LRMDA: variants seen among roughly 807,000 people sequenced by gnomAD.
LRMDA encodes leucine-rich melanocyte differentiation-associated protein.
LRMDA carries 18 observed loss-of-function variants against 29.8 expected under a neutral mutation model. The observed-to-expected ratio is 0.60, with a 90% CI of 0.42 to 0.90. LRMDA has a LOEUF of 0.90. LRMDA is among the 40% of genes least tolerant of loss of function. The probability of loss-of-function intolerance (pLI) is 0.00; values close to 1 mark genes in which losing one functional copy is unlikely to be tolerated. For synonymous variants in LRMDA, 125 were observed against 109.4 expected, an observed-to-expected ratio of 1.14 and a Z score of -0.89; for missense variants, 273 against 273.9, an observed-to-expected ratio of 1.00 and a Z score of 0.02.
intron 2 of LRMDA, among the ~76,000 whole-genome samples, chr10:75,678,447 A>G (rs1204722568): frequency 6.6e-6 from 1 of 152,210 alleles, no homozygotes; most frequent in African/African-American, 2.4e-5. Context: ...GTCACTTTCT[A>G]CTGAGATATT....
At chr10:76,050,992 C>T (rs970916585) in intron 4 of LRMDA, among the ~76,000 whole-genome samples, 2 of 152,198 alleles carry the variant, frequency 1.3e-5, no homozygotes, top group African/African-American at 4.8e-5. Flanking sequence ...CTCCCTCCTC[C>T]CTGTAGGGCC....
rs367718050 is a variant in LRMDA at position 76,079,137 on chromosome 10, A to G, written c.516+20354A>G. ...TTCTACAGTTGCTTGGGTGCCTACA[A>G]ATTTTTTCTCCTTTGTGTGCCTGAT... On this transcript the variant is annotated intron_variant, in intron 5 of 6. Transcript: ENST00000611255. Among the ~76,000 whole-genome samples, 4 of 152,256 alleles carry G rather than the reference A, an allele frequency of 2.6e-5. No individual in the cohort carries two copies. The East Asian group carries it at 5.8e-4, about 22-fold the overall frequency.
At chr10:76,276,844 G>A (rs560141776) in intron 5 of LRMDA, among the ~76,000 whole-genome samples, 20 of 152,102 alleles carry the variant, frequency 1.3e-4, no homozygotes, top group South Asian at 1.0e-3. Flanking sequence ...CTTGCCTTTC[G>A]TGGGTTCCAA....
intron 2 of LRMDA, among the ~76,000 whole-genome samples, chr10:75,589,225 G>A (rs1176879917): frequency 6.6e-6 from 1 of 152,210 alleles, no homozygotes; most frequent in African/African-American, 2.4e-5. Flanking sequence ...CACCAGCAAT[G>A]TTAGGGACAT....
At chr10:76,310,649 A>G (rs1277224639) in intron 5 of LRMDA, among the ~76,000 whole-genome samples, 1 of 152,208 alleles carries the variant, frequency 6.6e-6, no homozygotes, top group Non-Finnish European at 1.5e-5. Flanking sequence ...AACGATATTC[A>G]TAACCTCCAA....
chr10:76,278,166 T>C (rs1344710150), intron 5 of LRMDA, among the ~76,000 whole-genome samples: 1 of 152,218 alleles, frequency 6.6e-6, no homozygotes, highest in East Asian at 1.9e-4. Flanking sequence ...GGATGAGCTG[T>C]ACTATACCTC....
At chr10:76,282,666 G>A (rs1449643913) in intron 5 of LRMDA, among the ~76,000 whole-genome samples, 1 of 152,194 alleles carries the variant, frequency 6.6e-6, no homozygotes, top group Non-Finnish European at 1.5e-5. Flanking sequence ...GCAGAGGACT[G>A]CAATTACAGT....
Position 76,427,321 on chromosome 10 carries a change from C to A in LRMDA, c.601+102836C>A, listed in dbSNP as rs993091478. On this transcript the variant is annotated intron_variant, in intron 6 of 6. Transcript: ENST00000611255. ...TTCTCCTTGAAGAGGTCCTTCACAT[C>A]CCTTGTAAGTTGGATTCCTAGGTAT... Among the ~76,000 whole-genome samples the A allele has an allele frequency of 3.5e-4, 53 of 152,092 alleles. No homozygotes were observed. The East Asian group carries it at 9.6e-3, about 28-fold the overall frequency.
At chr10:75,588,105 G>A (rs1840678324) in intron 2 of LRMDA, among the ~76,000 whole-genome samples, 1 of 152,176 alleles carries the variant, frequency 6.6e-6, no homozygotes, top group Non-Finnish European at 1.5e-5. Flanking sequence ...ATCTCAAGGG[G>A]GCACCATGCT....
intron 6 of LRMDA, among the ~76,000 whole-genome samples, 189 bp downstream of exon 6, chr10:76,324,674 C>A (rs566813169): frequency 1.3e-5 from 2 of 152,128 alleles, no homozygotes; most frequent in East Asian, 3.9e-4. Flanking sequence ...TAGTAGCAGT[C>A]TATTCAGGAG....
chr10:75,922,722 C>G (rs1330611492), intron 2 of LRMDA, among the ~76,000 whole-genome samples: 1 of 152,200 alleles, frequency 6.6e-6, no homozygotes, highest in Non-Finnish European at 1.5e-5. Context: ...TCAGCAATGT[C>G]CTGAGGGTAG....
At chr10:76,117,842 G>A (rs1310106699) in intron 5 of LRMDA, among the ~76,000 whole-genome samples, 1 of 152,230 alleles carries the variant, frequency 6.6e-6, no homozygotes, top group Non-Finnish European at 1.5e-5. Context: ...TGGTGGTGAA[G>A]TGGTGATATG....
At chr10:75,587,562 A>G (rs1048000602) in intron 2 of LRMDA, among the ~76,000 whole-genome samples, 7 of 152,206 alleles carry the variant, frequency 4.6e-5, no homozygotes, top group African/African-American at 1.4e-4. Flanking sequence ...TAAATGGCAT[A>G]TCTTTATTCT....
intron 2 of LRMDA, among the ~76,000 whole-genome samples, chr10:75,493,348 G>GGT (rs3220724): frequency 0.084 from 11,120 of 133,060 alleles, 503 homozygotes; most frequent in East Asian, 0.12. Flanking sequence ...GTTGAGATTG[G>GGT]GTGTGTGTGT....
chr10:76,294,257 C>G (rs1840385768), intron 5 of LRMDA, among the ~76,000 whole-genome samples: 1 of 152,170 alleles, frequency 6.6e-6, no homozygotes, highest in Non-Finnish European at 1.5e-5. Context: ...CTTAGTTTCT[C>G]TTTTTAAATT....
chr10:76,230,137 A>G (rs1369017647), intron 5 of LRMDA, among the ~76,000 whole-genome samples: 1 of 151,944 alleles, frequency 6.6e-6, no homozygotes, highest in East Asian at 1.9e-4. Flanking sequence ...GTAACACCCT[A>G]ACTAAAAGTT....
At chr10:75,957,534 G>T (rs183217656) in intron 2 of LRMDA, among the ~76,000 whole-genome samples, 1 of 152,264 alleles carries the variant, frequency 6.6e-6, no homozygotes, top group Admixed American at 6.5e-5. Context: ...GTCACCAACG[G>T]GCCTATGAGG....
intron 5 of LRMDA, among the ~76,000 whole-genome samples, chr10:76,145,816 T>C (rs1850305418): frequency 6.6e-6 from 1 of 151,914 alleles, no homozygotes; most frequent in African/African-American, 2.4e-5. Context: ...CTGGTTTCTC[T>C]TGTGGGCATT....
intron 5 of LRMDA, among the ~76,000 whole-genome samples, chr10:76,217,072 C>A (rs998810188): frequency 2.6e-5 from 4 of 151,638 alleles, no homozygotes; most frequent in Admixed American, 6.6e-5. Context: ...TGTGAGGGGG[C>A]AAATGAGAAT....
Sources: gnomAD v4.1 joint callset for allele counts (sites outside exome capture counted in the v4.1 genomes callset) on GRCh38, gnomAD v4.1.1 for gene constraint, MANE v1.5 for transcripts, NCBI Gene and HGNC (gene_info 2026-07-23, HGNC 2026-07-21) for gene names.